Variants in NCKAP5 observed in about 807,000 individuals in gnomAD.
NCKAP5 encodes the protein nck-associated protein 5.
Under a neutral mutation model 167.0 loss-of-function variants are expected in NCKAP5, and 92 were observed. The observed-to-expected ratio is 0.55, with a 90% CI of 0.47 to 0.66. The LOEUF (loss-of-function observed/expected upper bound fraction) is 0.66. Among genes scored for constraint, NCKAP5 ranks in the 30% least tolerant of loss-of-function variants. The pLI is 0.00. For missense variants in NCKAP5, 2,378 were observed against 2,315.0 expected (o/e 1.03, Z -0.56); for synonymous variants, 891 against 877.4 (o/e 1.02, Z -0.27).
intron 5 of NCKAP5, among the ~76,000 whole-genome samples, chr2:133,147,220 T>C (rs2083229910): frequency 1.3e-5 from 2 of 152,162 alleles, no homozygotes; most frequent in South Asian, 4.1e-4. Context: ...GTTTACTAAA[T>C]ATTAATACCT....
chr2:132,949,909 C>T (rs911360799), intron 8 of NCKAP5, among the ~76,000 whole-genome samples: 1 of 152,128 alleles, frequency 6.6e-6, no homozygotes, highest in Non-Finnish European at 1.5e-5. Flanking sequence ...GCCTGGCTAA[C>T]ATAGTGAAAC....
At chr2:133,220,403 T>A (rs1464433975) in intron 4 of NCKAP5, among the ~76,000 whole-genome samples, 1 of 152,192 alleles carries the variant, frequency 6.6e-6, no homozygotes, top group African/African-American at 2.4e-5. Context: ...TAAAGACAAC[T>A]TTTCTCTCCA....
At chr2:133,576,311 A>G in the NCKAP5 span, among the ~76,000 whole-genome samples, 9 of 152,346 alleles carry the variant, frequency 5.9e-5, no homozygotes, top group African/African-American at 2.2e-4. Flanking sequence ...GCATCACTTA[A>G]TAGTGGTGAA....
chr2:132,704,231 C>T (rs954623445), intron 19 of NCKAP5, among the ~76,000 whole-genome samples: 1 of 152,118 alleles, frequency 6.6e-6, no homozygotes, highest in African/African-American at 2.4e-5. Flanking sequence ...TATCACTGAG[C>T]CCAGAGGTGA....
At chr2:133,518,548 G>A (rs1232204904) in intron 2 of NCKAP5, among the ~76,000 whole-genome samples, 1 of 151,668 alleles carries the variant, frequency 6.6e-6, no homozygotes, top group Non-Finnish European at 1.5e-5. Flanking sequence ...TAGAGACAGG[G>A]TTTCACCGTG....
chr2:133,073,264 C>A (rs2080483001), intron 6 of NCKAP5, among the ~76,000 whole-genome samples: 1 of 151,700 alleles, frequency 6.6e-6, no homozygotes, highest in Non-Finnish European at 1.5e-5. Flanking sequence ...TTCTCCCTGC[C>A]ACGTACTGAG....
intron 3 of NCKAP5, among the ~76,000 whole-genome samples, chr2:133,440,775 C>T (rs1690796429): frequency 6.8e-6 from 1 of 146,848 alleles, no homozygotes; most frequent in Non-Finnish European, 1.5e-5. Context: ...GAGTATGGTG[C>T]TCATTGGCTT....
At chr2:132,748,510 A>G (rs1364860446) in intron 16 of NCKAP5, among the ~76,000 whole-genome samples, 1 of 152,224 alleles carries the variant, frequency 6.6e-6, no homozygotes. Flanking sequence ...CATTCTTCAG[A>G]TAAAACAAAT....
intron 16 of NCKAP5, among the ~76,000 whole-genome samples, chr2:132,754,363 A>T (rs1195280156): frequency 2.0e-5 from 3 of 148,960 alleles, no homozygotes; most frequent in Non-Finnish European, 4.4e-5. Flanking sequence ...CACTGTAAAT[A>T]ATCAAACAAA....
intron 5 of NCKAP5, among the ~76,000 whole-genome samples, chr2:133,173,710 G>A (rs1261515282): frequency 2.0e-5 from 3 of 152,114 alleles, no homozygotes; most frequent in Non-Finnish European, 4.4e-5. Context: ...TGCAATACTC[G>A]AGTAAAATCT....
At chr2:133,451,827 G>T (rs1691569563) in intron 3 of NCKAP5, among the ~76,000 whole-genome samples, 1 of 152,190 alleles carries the variant, frequency 6.6e-6, no homozygotes, top group African/African-American at 2.4e-5. Context: ...CTTGATGAAT[G>T]CTACTATGGA....
At chr2:132,716,920 A>G (rs1689425454) in intron 19 of NCKAP5, among the ~76,000 whole-genome samples, 1 of 152,122 alleles carries the variant, frequency 6.6e-6, no homozygotes, top group Non-Finnish European at 1.5e-5. Flanking sequence ...GCTTTTGACC[A>G]TGTGATTTTT....
intron 16 of NCKAP5, among the ~76,000 whole-genome samples, chr2:132,755,286 C>G (rs2874172): frequency 0.59 from 89,125 of 151,994 alleles, 27,361 homozygotes; most frequent in East Asian, 0.84. Context: ...AGTAAGAGGG[C>G]ATCCCCTGCT....
chr2:133,477,656 C>T (rs1394483161), intron 3 of NCKAP5, among the ~76,000 whole-genome samples: 1 of 152,084 alleles, frequency 6.6e-6, no homozygotes, highest in Non-Finnish European at 1.5e-5. Flanking sequence ...CAATTATAAC[C>T]ATATACTGCA....
intron 3 of NCKAP5, among the ~76,000 whole-genome samples, chr2:133,384,219 T>G (rs961976013): frequency 1.3e-5 from 2 of 152,158 alleles, no homozygotes; most frequent in African/African-American, 2.4e-5. Context: ...AATCCATCTT[T>G]AATTAATTTT....
chr2:133,340,696 C>CCTT (rs1324950126), intron 3 of NCKAP5, among the ~76,000 whole-genome samples: 1 of 152,086 alleles, frequency 6.6e-6, no homozygotes, highest in African/African-American at 2.4e-5. Flanking sequence ...ACTTGGGTGG[C>CCTT]ATTAAATAAT....
chr2:132,756,639 G>A (rs1436582690), intron 16 of NCKAP5, among the ~76,000 whole-genome samples: 2 of 151,474 alleles, frequency 1.3e-5, no homozygotes, highest in Admixed American at 1.3e-4. Flanking sequence ...GAAAGGGACT[G>A]ATTTATTTAA....
rs901742019 is a variant in NCKAP5 at position 133,541,965 on chromosome 2, T to C, written c.-62+17085A>G. Among the ~76,000 whole-genome samples, 7 of 152,106 alleles carry C rather than the reference T, an allele frequency of 4.6e-5. No individual in the cohort carries two copies. In the East Asian group the frequency reaches 1.4e-3, roughly 29 times the overall value. On this transcript the variant is annotated intron_variant, in intron 2 of 19. Transcript: ENST00000409261. ...CAATAAAATGTCCCCACCTGTTCAA[T>C]AAAATGGAAGGGTTTGCACGGGATT...
chr2:133,351,234 A>AT (rs1245272237), intron 3 of NCKAP5, among the ~76,000 whole-genome samples: 1 of 152,172 alleles, frequency 6.6e-6, no homozygotes, highest in African/African-American at 2.4e-5. Context: ...AAGGAAAAAA[A>AT]AAATAAAAAC....
Sources: gnomAD v4.1 joint callset for allele counts (sites outside exome capture counted in the v4.1 genomes callset) on GRCh38, gnomAD v4.1.1 for gene constraint, MANE v1.5 for transcripts, NCBI Gene and HGNC (gene_info 2026-07-23, HGNC 2026-07-21) for gene names.